Variants in NCSTN observed in about 807,000 individuals in gnomAD.
The protein encoded by NCSTN is nicastrin, also known as anterior pharynx-defective 2.
Under a neutral mutation model 87.0 loss-of-function variants are expected in NCSTN, and 22 were observed. The observed-to-expected ratio is 0.25, with a 90% confidence interval of 0.18 to 0.36. The LOEUF (loss-of-function observed/expected upper bound fraction) is 0.36, where lower values mean the gene tolerates loss of function less well. Ranked by LOEUF, NCSTN falls within the 10% of genes least tolerant of loss-of-function variation. The probability of loss-of-function intolerance (pLI) is 1.00; values close to 1 mark genes in which losing one functional copy is unlikely to be tolerated. For synonymous variants in NCSTN, 306 were observed against 327.1 expected (o/e 0.94, Z 0.69); for missense variants, 693 against 883.3 (o/e 0.78, Z 2.73).
chr1:160,355,602 G>T (rs1336965585), intron 11 of NCSTN, 53 bp from the exon 12 acceptor site: 11 of 1,347,858 alleles, frequency 8.2e-6, no homozygotes, highest in Non-Finnish European at 1.2e-5. Context: ...AGGGAGGAAA[G>T]GGGCAGAGCC....
At position 160,356,297 on chromosome 1, in the gene NCSTN, A is replaced by G. The variant is rs1234345397; in HGVS notation, c.1589A>G (p.Asn530Ser). 3.1e-6 allele frequency: 5 copies of G among 1,613,946 alleles called. No individual in the cohort carries two copies. The South Asian group carries it at 3.3e-5, about 11-fold the overall frequency. ...RLLYGFLIKANNSWFQSILRQ... is the reference protein window; with the variant it reads ...RLLYGFLIKASNSWFQSILRQ... ...CTCTATGGGTTCCTGATTAAAGCCA[A>G]CAACTCATGGTTCCAGTCTATCCTC... Residue 530 changes from asparagine to serine, a missense_variant, in exon 14 of 17, where the codon AAC becomes AGC. Asn to Ser is a conservative substitution (Grantham distance 46, BLOSUM62 1). This residue lies in a region of NCSTN where 216 missense variants were observed against 311.7 expected (regional missense o/e 0.69). Transcript: ENST00000294785.
In NCSTN at chr1:160,343,426, T is replaced by C; in HGVS notation, c.30T>C (p.Ala10=). The C allele has an allele frequency of 6.2e-7, 1 of 1,612,876 alleles. No homozygotes were observed. Among genetic ancestry groups the C allele is most frequent in the Non-Finnish European group, 8.5e-7 (1 of 1,179,722 alleles). ...CTACGGCAGGGGGTGGCTCTGGGGC[T>C]GACCCGGGAAGTCGGGGTCTCCTTC... is the stretch of plus-strand genomic sequence containing the variant. MATAGGGSG[A]DPGSRGLLRL... Residue 10 remains alanine (A), a synonymous_variant, in exon 1 of 17, where the codon GCT becomes GCC. Coordinates refer to ENST00000294785, the MANE Select transcript of NCSTN (RefSeq NM_015331.3).
Position 160,351,266 on chromosome 1 carries a change from C to G in NCSTN, c.627C>G (p.Thr209=), listed in dbSNP as rs1648824686. The change falls in exon 6 of 17, where the codon ACC becomes ACG. Residue 209 remains threonine (T), a synonymous_variant. Transcript: ENST00000294785. The part of the protein sequence containing the change: ...HNLSQNGSAP[T]FPLCAMQLFS... ...TGAGTCAGAATGGCTCAGCACCAAC[C>G]TTCCCACTATGTGCCATGCAGCTCT... 1 of 1,614,074 alleles carries G rather than the reference C, an allele frequency of 6.2e-7. No individual in the cohort carries two copies. The highest frequency in any genetic ancestry group is 1.3e-5 in the African/African-American group (1 of 74,934).
At position 160,358,139 on chromosome 1, in the gene NCSTN, C is replaced by A; in HGVS notation, c.2008-10C>A. 1 of 1,614,172 alleles carries A rather than the reference C, an allele frequency of 6.2e-7. No homozygotes were observed. Among genetic ancestry groups the A allele is most frequent in the Non-Finnish European group, 8.5e-7 (1 of 1,180,030 alleles). On this transcript the variant is annotated splice_polypyrimidine_tract_variant and intron_variant, in intron 16 of 16. Coordinates refer to ENST00000294785, the MANE Select transcript of NCSTN (RefSeq NM_015331.3). Reference sequence around the variant, plus strand: ...GCCTTTGTCCTTTCCTGCCCTCCCTCCCCCTGCAGTTGATCACCCTGACAG... The same window carrying A: ...GCCTTTGTCCTTTCCTGCCCTCCCTACCCCTGCAGTTGATCACCCTGACAG...
At position 160,356,400 on chromosome 1, in the gene NCSTN, A is replaced by G. The variant is rs1029548997; in HGVS notation, c.1639+53A>G. 7.3e-6 allele frequency: 11 copies of G among 1,515,800 alleles called. No homozygotes were observed. The African/African-American group carries it at 1.1e-4, about 15-fold the overall frequency. 93.9% of individuals were successfully genotyped at this position (1,515,800 alleles called of 1,614,324 possible). On this transcript the variant is annotated intron_variant, in intron 14 of 16. Coordinates refer to ENST00000294785, the MANE Select transcript of NCSTN (RefSeq NM_015331.3). The stretch of plus-strand genomic sequence containing the variant: ...CTTAGCTGAGGAAAGGGATAGAGAA[A>G]AAGTCTTTTGGTTTAACCTTTATTA...
chr1:160,344,948 C>T, intron 2 of NCSTN, 122 bp downstream of exon 2: 1 of 821,780 alleles, frequency 1.2e-6, no homozygotes, highest in Non-Finnish European at 2.1e-6. Flanking sequence ...TAGGCAGTTA[C>T]AGATAACCGT....
intron 2 of NCSTN, among the ~76,000 whole-genome samples, chr1:160,346,396 T>C (rs1312905910): frequency 6.6e-6 from 1 of 152,232 alleles, no homozygotes; most frequent in Non-Finnish European, 1.5e-5. Flanking sequence ...AAGTGCTGTA[T>C]AATTTCCTGA....
chr1:160,349,271 A>G, intron 3 of NCSTN, 149 bp downstream of exon 3: 1 of 1,181,820 alleles, frequency 8.5e-7, no homozygotes, highest in Middle Eastern at 2.1e-4. Flanking sequence ...AAGGTGTACC[A>G]TCAAAAGAAA....
In NCSTN at chr1:160,358,311, TC is replaced by T. The variant is rs1267909746; in HGVS notation, c.*42del. 6.2e-7 allele frequency: 1 copy of T among 1,613,210 alleles called. No individual in the cohort carries two copies. The highest frequency in any genetic ancestry group is 8.5e-7 in the Non-Finnish European group (1 of 1,179,930). On this transcript the variant is annotated 3_prime_UTR_variant, in exon 17 of 17. Transcript: ENST00000294785. ...TTTCTTGCCAGCTCAGCAGTTCACT[TC>T]CTAGAGCATCTGTCCCACTGGGACA... is the stretch of plus-strand genomic sequence containing the variant.
chr1:160,351,503 T>C, intron 6 of NCSTN, 131 bp downstream of exon 6: 1 of 1,347,002 alleles, frequency 7.4e-7, no homozygotes, highest in Non-Finnish European at 1.0e-6. Flanking sequence ...ATGGGAGAAC[T>C]AGAAACAATT....
Position 160,349,689 on chromosome 1 carries a change from C to A in NCSTN, c.436+19C>A. ...GGGTTTGGTAAGTGTCCCAAAGGAT[C>A]AGGAGAGCCTACTGTCACCTAAGGC... On this transcript the variant is annotated intron_variant, in intron 4 of 16. Coordinates refer to ENST00000294785, the MANE Select transcript of NCSTN (RefSeq NM_015331.3). 4.3e-6 allele frequency: 7 copies of A among 1,613,092 alleles called. No individual in the cohort carries two copies. The highest frequency in any genetic ancestry group is 1.1e-5 in the South Asian group (1 of 91,032).
At chr1:160,348,798 G>T (rs189971605) in intron 2 of NCSTN, among the ~76,000 whole-genome samples, 4 of 152,206 alleles carry the variant, frequency 2.6e-5, no homozygotes, top group African/African-American at 9.7e-5. Flanking sequence ...GAGTCCTCTT[G>T]TGCTCTTTTA....
rs1229767146 is a variant in NCSTN, at chr1:160,352,320, A to G, written c.996+114A>G. ...CTTGACCTAAGTTGTTAACCAGCAC[A>G]GAGCTTCTGGATGTGTCTACATGTG... On this transcript the variant is annotated intron_variant, in intron 8 of 16. Coordinates refer to ENST00000294785, the MANE Select transcript of NCSTN (RefSeq NM_015331.3). 5 of 1,328,984 alleles carry G rather than the reference A, an allele frequency of 3.8e-6. No homozygotes were observed. In the East Asian group the frequency reaches 1.2e-4, roughly 31 times the overall value. 82.3% of individuals were successfully genotyped at this position (1,328,984 alleles called of 1,614,324 possible).
At position 160,350,093 on chromosome 1, in the gene NCSTN, C is replaced by G. The variant is rs201416838; in HGVS notation, c.437-12C>G. The G allele has an allele frequency of 2.1e-4, 332 of 1,613,644 alleles. No individual in the cohort carries two copies. Among genetic ancestry groups the G allele is most frequent in the Non-Finnish European group, 2.5e-4 (299 of 1,179,684 alleles). ...AGTAACCAGTCCCCCTATTCCCCAT[C>G]CTTCCCTTCAGGTGTTTACTCCAAT... On this transcript the variant is annotated splice_polypyrimidine_tract_variant and intron_variant, in intron 4 of 16. Transcript: ENST00000294785.
intron 11 of NCSTN, among the ~76,000 whole-genome samples, chr1:160,354,726 C>T (rs1398902639): frequency 6.6e-6 from 1 of 152,152 alleles, no homozygotes; most frequent in African/African-American, 2.4e-5. Flanking sequence ...ATGTTCTTGC[C>T]ATGTGGTAGA....
Position 160,350,227 on chromosome 1 carries a change from A to G in NCSTN, c.559A>G (p.Asn187Asp). 1 of 1,614,084 alleles carries G rather than the reference A, an allele frequency of 6.2e-7. No individual in the cohort carries two copies. Among genetic ancestry groups the G allele is most frequent in the South Asian group, 1.1e-5 (1 of 91,084 alleles). ...CCCCATCTTTCTTCTTGAAGATGAA[A>G]ATGAAACCAAAGTCATCAAGCAGGT... ...SFPIFLLEDE[N>D]ETKVIKQCYQ... Residue 187 changes from asparagine (N) to aspartate (D), a missense_variant, in exon 5 of 17, where the codon AAT (asparagine) becomes GAT (aspartate). Physicochemically the swap from Asn to Asp is conservative, Grantham distance 23. Transcript: ENST00000294785.
At chr1:160,356,865 A>G in intron 15 of NCSTN, 111 bp downstream of exon 15, 4 of 1,470,064 alleles carry the variant, frequency 2.7e-6, no homozygotes, top group Admixed American at 1.9e-5. Flanking sequence ...AGGTGGAGAG[A>G]TGCAGTCCTC....
chr1:160,348,786 A>G (rs776852090), intron 2 of NCSTN, among the ~76,000 whole-genome samples: 16 of 152,212 alleles, frequency 1.1e-4, no homozygotes, highest in Non-Finnish European at 1.6e-4. Context: ...CTGGCATATA[A>G]TGAGTCCTCT....
At position 160,356,766 on chromosome 1, in the gene NCSTN, T is replaced by C; in HGVS notation, c.1794+12T>C. ...GTGAAAACAAGGATGTGAGTGGTGG[T>C]GGGTGTTGGAAGTGCCCTGGGGCCC... is the stretch of plus-strand genomic sequence containing the variant. On this transcript the variant is annotated intron_variant, in intron 15 of 16. Transcript: ENST00000294785. 2 of 1,613,990 alleles carry C rather than the reference T, an allele frequency of 1.2e-6. No homozygotes were observed. The highest frequency in any genetic ancestry group is 1.7e-6 in the Non-Finnish European group (2 of 1,179,984).
Sources: allele counts gnomAD v4.1 joint callset (sites outside exome capture counted in the v4.1 genomes callset), GRCh38; gene constraint gnomAD v4.1.1; regional missense constraint gnomAD v4.1.1; transcripts MANE v1.5; gene names NCBI Gene and HGNC (gene_info 2026-07-23, HGNC 2026-07-21).